The following MAP3K2 variants were observed in gnomAD, a reference collection of about 807,000 sequenced individuals.
The protein encoded by MAP3K2 is MAP/ERK kinase kinase 2.
A neutral mutation model predicts 80.3 loss-of-function variants in MAP3K2; 24 were observed. The ratio of observed to expected loss-of-function variants is 0.30; its 90% confidence interval spans 0.22 to 0.42. The LOEUF (loss-of-function observed/expected upper bound fraction) is 0.42. Among genes scored for constraint, MAP3K2 ranks in the 10% least tolerant of loss-of-function variants. The pLI, the probability that MAP3K2 is intolerant of heterozygous loss-of-function variation, is 1.00. For missense variants in MAP3K2, 608 were observed against 750.1 expected (o/e 0.81, Z 2.21); for synonymous variants, 244 against 253.7 (o/e 0.96, Z 0.36).
rs1225792156 is a variant in MAP3K2 at position 127,338,850 on chromosome 2, T to TGAAC, written c.123+78_123+81dup. On this transcript the variant is annotated intron_variant, in intron 3 of 16. Transcript: ENST00000682094. ...ATTCTTGATTCGAAAGTGTAAAAGC[T>TGAAC]GAACACATTAAACAAGTCCTCCATA... 3 of 918,502 alleles carry TGAAC rather than the reference T, an allele frequency of 3.3e-6. No individual in the cohort carries two copies. In the African/African-American group the frequency reaches 5.0e-5, roughly 15 times the overall value. The allele number at this position is 918,502 out of a possible 1,614,324, so 56.9% of individuals were successfully genotyped here.
intron 7 of MAP3K2, among the ~76,000 whole-genome samples, chr2:127,327,767 A>C (rs985219027): frequency 3.9e-5 from 6 of 152,226 alleles, no homozygotes; most frequent in African/African-American, 1.4e-4. Flanking sequence ...GATAATGGTC[A>C]TATCTAGCAA....
chr2:127,380,390 T>A (rs116698811), intron 1 of MAP3K2, among the ~76,000 whole-genome samples: 2,566 of 152,346 alleles, frequency 0.017, 34 homozygotes, highest in Non-Finnish European at 0.024. Context: ...TTTGTCATTA[T>A]TAACTATTAA....
intron 1 of MAP3K2, among the ~76,000 whole-genome samples, chr2:127,357,317 T>C (rs1376149975): frequency 6.6e-6 from 1 of 152,148 alleles, no homozygotes; most frequent in African/African-American, 2.4e-5. Flanking sequence ...CAAGAACTCA[T>C]ACCTACAAAA....
intron 1 of MAP3K2, among the ~76,000 whole-genome samples, chr2:127,370,764 G>GT (rs1158675731): frequency 6.6e-6 from 1 of 152,160 alleles, no homozygotes; most frequent in Non-Finnish European, 1.5e-5. Flanking sequence ...ATGGGCTTTA[G>GT]TTAGGGCAGC....
At chr2:127,345,707 T>G (rs1012438313) in intron 1 of MAP3K2, among the ~76,000 whole-genome samples, 1 of 152,098 alleles carries the variant, frequency 6.6e-6, no homozygotes, top group Non-Finnish European at 1.5e-5. Flanking sequence ...AATTAGAAAT[T>G]GGCAACACAA....
chr2:127,333,910 G>A (rs1248285422), intron 5 of MAP3K2, among the ~76,000 whole-genome samples: 1 of 151,966 alleles, frequency 6.6e-6, no homozygotes, highest in African/African-American at 2.4e-5. Context: ...ACCAGTCTGG[G>A]CAACATGGTG....
chr2:127,347,375 C>T (rs999045975), intron 1 of MAP3K2, among the ~76,000 whole-genome samples: 1 of 152,054 alleles, frequency 6.6e-6, no homozygotes, highest in East Asian at 1.9e-4. Context: ...AATCAATAAA[C>T]ACGTTCAGCA....
At chr2:127,377,037 A>C (rs1018545910) in intron 1 of MAP3K2, among the ~76,000 whole-genome samples, 3 of 151,992 alleles carry the variant, frequency 2.0e-5, no homozygotes, top group Admixed American at 2.0e-4. Context: ...CTCCAGCCTG[A>C]ATGATAGAGC....
In MAP3K2 at chr2:127,308,941, G is replaced by GA. The variant is rs1316941245; in HGVS notation, c.1457-180dup. 4.4e-4 allele frequency among the ~76,000 whole-genome samples: 67 copies of GA among 152,302 alleles called. 1 individual carries two copies. Among genetic ancestry groups the GA allele is most frequent in the African/African-American group, 1.5e-3 (63 of 41,578 alleles). ...AGTCACACAGGTGGTGCTCATTAAG[G>GA]ATTTGCTGCAAGAACACTACATTTT... On this transcript the variant is annotated intron_variant, in intron 15 of 16. Transcript: ENST00000682094.
intron 5 of MAP3K2, among the ~76,000 whole-genome samples, chr2:127,331,661 G>A (rs1558979207): frequency 6.6e-6 from 1 of 152,216 alleles, no homozygotes; most frequent in East Asian, 1.9e-4. Context: ...TCAGGCTGGA[G>A]TACAGTGGCA....
Position 127,335,896 on chromosome 2 carries a change from T to C in MAP3K2, c.238A>G (p.Met80Val), listed in dbSNP as rs771367904. The C allele has an allele frequency of 6.2e-5, 97 of 1,569,358 alleles. No homozygotes were observed. Among genetic ancestry groups the C allele is most frequent in the East Asian group, 1.4e-4 (6 of 43,536 alleles). Reference sequence around the variant, plus strand: ...TCGTTATTGGTATAATGTAGATCCATAGACTGTCCAAAGGCAATTTTAGCT... The same window carrying C: ...TCGTTATTGGTATAATGTAGATCCACAGACTGTCCAAAGGCAATTTTAGCT... ...SKAKIAFGQS[M>V]DLHYTNNELV... The change falls in exon 5 of 17, where the codon ATG becomes GTG. Residue 80 changes from methionine (M) to valine (V), a missense_variant. Physicochemically the swap from Met to Val is conservative, Grantham distance 21 (BLOSUM62 1). Around this residue, in one of 4 missense-constraint regions of MAP3K2, gnomAD observed 467 missense variants for 521.9 expected, o/e 0.89. Coordinates refer to ENST00000682094, the MANE Select transcript of MAP3K2 (RefSeq NM_001371910.2).
intron 16 of MAP3K2, 41 bp downstream of exon 16, chr2:127,308,544 G>T (rs1260475867): frequency 6.7e-7 from 1 of 1,503,522 alleles, no homozygotes. Flanking sequence ...AAATACATAG[G>T]CGGCAGGTGG....
chr2:127,356,394 TCTA>T (rs1447489719), intron 1 of MAP3K2, among the ~76,000 whole-genome samples: 1 of 152,230 alleles, frequency 6.6e-6, no homozygotes, highest in African/African-American at 2.4e-5. Context: ...TATACTGTAG[TCTA>T]CTAAGTGTGC....
chr2:127,358,072 A>G (rs536883914), intron 1 of MAP3K2, among the ~76,000 whole-genome samples: 3 of 152,372 alleles, frequency 2.0e-5, no homozygotes, highest in Non-Finnish European at 4.4e-5. Flanking sequence ...CTAAACACAT[A>G]CCTGACAAAA....
intron 2 of MAP3K2, among the ~76,000 whole-genome samples, chr2:127,340,735 T>C (rs1476742232): frequency 6.6e-6 from 1 of 152,120 alleles, no homozygotes; most frequent in Non-Finnish European, 1.5e-5. Flanking sequence ...TTTTTATTTT[T>C]TTGTAGAGAT....
At chr2:127,356,646 A>G (rs761775603) in intron 1 of MAP3K2, among the ~76,000 whole-genome samples, 12 of 152,298 alleles carry the variant, frequency 7.9e-5, no homozygotes, top group East Asian at 3.9e-4. Context: ...TAATTTTTCA[A>G]TTATGGTGCT....
chr2:127,351,457 G>GA (rs968967283), intron 1 of MAP3K2, among the ~76,000 whole-genome samples: 38 of 152,110 alleles, frequency 2.5e-4, no homozygotes, highest in African/African-American at 7.2e-4. Flanking sequence ...AAAACAAAGT[G>GA]AAAAAAATCT....
At chr2:127,340,535 T>C (rs1686457754) in intron 2 of MAP3K2, among the ~76,000 whole-genome samples, 1 of 151,990 alleles carries the variant, frequency 6.6e-6, no homozygotes, top group Non-Finnish European at 1.5e-5. Flanking sequence ...CAGGTGCCTG[T>C]AGTCCCAGCT....
At chr2:127,324,264 T>G in intron 9 of MAP3K2, 23 bp from the exon 10 acceptor site, 1 of 1,419,938 alleles carries the variant, frequency 7.0e-7, no homozygotes, top group East Asian at 2.4e-5. Flanking sequence ...AACATCACAT[T>G]AAGTTTACAG....
Sources: gnomAD v4.1 joint callset for allele counts (sites outside exome capture counted in the v4.1 genomes callset) on GRCh38, gnomAD v4.1.1 for gene constraint, gnomAD v4.1.1 regional missense constraint, MANE v1.5 for transcripts, NCBI Gene and HGNC (gene_info 2026-07-23, HGNC 2026-07-21) for gene names.